Variants in BOC observed in about 807,000 individuals in gnomAD.
BOC encodes the protein brother of CDO.
A neutral mutation model predicts 112.0 loss-of-function variants in BOC; 76 were observed. The observed-to-expected ratio is 0.68, with a 90% CI of 0.56 to 0.82. The LOEUF is 0.82. BOC is among the 40% of genes least tolerant of loss of function. The pLI is 0.00. For missense variants in BOC, 1,309 were observed against 1,511.7 expected (o/e 0.87, Z 2.22); for synonymous variants, 580 against 599.8 (o/e 0.97, Z 0.48).
In BOC at chr3:113,285,364, C is replaced by G; in HGVS notation, c.2967-8C>G. On this transcript the variant is annotated splice_region_variant and splice_polypyrimidine_tract_variant and intron_variant, in intron 18 of 19. Coordinates refer to ENST00000682979, the MANE Select transcript of BOC (RefSeq NM_001378074.1). ...CCCCACCTCCCCATCTGGGCTTGTG[C>G]ACTGCAGGGGTCCCAAGTCTAGCCC... is the stretch of plus-strand genomic sequence containing the variant. 1.2e-6 allele frequency: 2 copies of G among 1,612,158 alleles called. No homozygotes were observed. Among genetic ancestry groups the G allele is most frequent in the African/African-American group, 1.3e-5 (1 of 74,870 alleles).
At chr3:113,258,997 T>C (rs960317792) in intron 4 of BOC, among the ~76,000 whole-genome samples, 1 of 152,214 alleles carries the variant, frequency 6.6e-6, no homozygotes, top group East Asian at 1.9e-4. Flanking sequence ...AATTAATAGC[T>C]CACTAGAATT....
chr3:113,278,813 C>T lies in BOC; in HGVS notation c.1816+30C>T. Reference sequence around the variant, plus strand: ...GCCGCTAGCAGCAGGGACGGACGCGCAGTCAGGACTGGAACTGCCTCAGAG... The same window carrying T: ...GCCGCTAGCAGCAGGGACGGACGCGTAGTCAGGACTGGAACTGCCTCAGAG... On this transcript the variant is annotated intron_variant, in intron 11 of 19. Transcript: ENST00000682979. This position sits in a 1 kb window ranked among gnomAD's most constrained non-coding sequence, Gnocchi z 4.2. 1 of 1,540,376 alleles carries T rather than the reference C, an allele frequency of 6.5e-7. No homozygotes were observed. Among genetic ancestry groups the T allele is most frequent in the Non-Finnish European group, 8.8e-7 (1 of 1,137,110 alleles).
intron 2 of BOC, among the ~76,000 whole-genome samples, chr3:113,219,109 G>A (rs1489777666): frequency 6.6e-6 from 1 of 152,244 alleles, no homozygotes; most frequent in Non-Finnish European, 1.5e-5. Flanking sequence ...TATGTGGCAA[G>A]CCTCCCTCCC....
At position 113,221,196 on chromosome 3, in the gene BOC, G is replaced by A. The variant is rs150892834; in HGVS notation, c.-82+4922G>A. Among the ~76,000 whole-genome samples, 450 of 152,348 alleles carry A rather than the reference G, an allele frequency of 3.0e-3. 10 individuals carry two copies. Among genetic ancestry groups the A allele is most frequent in the Admixed American group, 0.024 (366 of 15,296 alleles). ...AATTCACATAAAGCACACGAAATGCGTTGGGAGCAGTCTGTAGAAGGTAGC... is the reference window on the plus strand; with the variant it reads ...AATTCACATAAAGCACACGAAATGCATTGGGAGCAGTCTGTAGAAGGTAGC... On this transcript the variant is annotated intron_variant, in intron 2 of 19. Coordinates refer to ENST00000682979, the MANE Select transcript of BOC (RefSeq NM_001378074.1).
chr3:113,274,808 A>G lies in BOC; in HGVS notation c.1542+126A>G. 2 of 975,988 alleles carry G rather than the reference A, an allele frequency of 2.0e-6. No individual in the cohort carries two copies. The highest frequency in any genetic ancestry group is 2.9e-6 in the Non-Finnish European group (2 of 679,992). 60.5% of individuals were successfully genotyped at this position (975,988 alleles called of 1,614,324 possible). On this transcript the variant is annotated intron_variant, in intron 9 of 19. Coordinates refer to ENST00000682979, the MANE Select transcript of BOC (RefSeq NM_001378074.1). The surrounding 1 kb of genome is among the most constrained non-coding windows in gnomAD (Gnocchi z 4.8). ...GCCTGAGCCGGTAATCCCCACCACT[A>G]AACAGGCCCTTCTGTCTCCTCCAGT...
Position 113,284,826 on chromosome 3 carries a change from T to TAA in BOC, c.2934_2935insAA (p.Gly979LysfsTer57). 6.2e-7 allele frequency: 1 copy of TAA among 1,614,188 alleles called. No homozygotes were observed. The highest frequency in any genetic ancestry group is 1.7e-5 in the Admixed American group (1 of 60,022). Reference sequence around the variant, plus strand: ...TGCTGAGGCAGACCCATCTTGGCAATGGATATGACCCCCAAAGTCACCAGA... The same window carrying TAA: ...TGCTGAGGCAGACCCATCTTGGCAATAAGGATATGACCCCCAAAGTCACCAGA... On this transcript the variant is annotated frameshift_variant, in exon 18 of 20. Transcript: ENST00000682979. LOFTEE classifies it high-confidence loss of function.
chr3:113,275,850 G>A (rs1948609388), intron 9 of BOC, among the ~76,000 whole-genome samples: 1 of 152,070 alleles, frequency 6.6e-6, no homozygotes, highest in Non-Finnish European at 1.5e-5. Flanking sequence ...TGCTCTCCTA[G>A]AAGTCCTTGG....
rs774043438 is a variant in BOC, at chr3:113,284,334, G to A, written c.2657-1G>A. Reference sequence around the variant, plus strand: ...ACACCTTTATTTTTCTGTCCTTCCAGAACATACAACAGACCTGGGTTTTCC... The same window carrying A: ...ACACCTTTATTTTTCTGTCCTTCCAAAACATACAACAGACCTGGGTTTTCC... On this transcript the variant is annotated splice_acceptor_variant, in intron 16 of 19. Coordinates refer to ENST00000682979, the MANE Select transcript of BOC (RefSeq NM_001378074.1). LOFTEE classifies it high-confidence loss of function. 2 of 1,613,282 alleles carry A rather than the reference G, an allele frequency of 1.2e-6. No homozygotes were observed. The highest frequency in any genetic ancestry group is 2.2e-5 in the East Asian group (1 of 44,870).
intron 7 of BOC, 63 bp from the exon 8 acceptor site, chr3:113,273,006 A>T: frequency 6.5e-7 from 1 of 1,544,628 alleles, no homozygotes; most frequent in Non-Finnish European, 8.8e-7. Flanking sequence ...CATCCCTCCC[A>T]GCCCATCTGG....
intron 2 of BOC, among the ~76,000 whole-genome samples, chr3:113,220,007 A>G (rs1940280956): frequency 6.6e-6 from 1 of 150,622 alleles, no homozygotes; most frequent in African/African-American, 2.4e-5. Flanking sequence ...CTGATCAAGC[A>G]GGTCCTCCAT....
rs142961325 is a variant in BOC, at chr3:113,232,887, A to C, written c.-82+16613A>C. Among the ~76,000 whole-genome samples the C allele has an allele frequency of 4.5e-3, 683 of 152,284 alleles. 7 individuals are homozygous for C. Among genetic ancestry groups the C allele is most frequent in the African/African-American group, 0.016 (645 of 41,554 alleles). ...TAATGTGATCTGTTTTTCCTTCAGCATCCCTATGCGAGTTGATTTTGTTGT... is the reference window on the plus strand; with the variant it reads ...TAATGTGATCTGTTTTTCCTTCAGCCTCCCTATGCGAGTTGATTTTGTTGT... On this transcript the variant is annotated intron_variant, in intron 2 of 19. Coordinates refer to ENST00000682979, the MANE Select transcript of BOC (RefSeq NM_001378074.1).
rs570388806 is a variant in BOC at position 113,279,812 on chromosome 3, C to T, written c.2024-12C>T. 4 of 1,594,350 alleles carry T rather than the reference C, an allele frequency of 2.5e-6. No individual in the cohort carries two copies. In the African/African-American group the frequency reaches 4.0e-5, roughly 16 times the overall value. ...CCCAGCTCCTGAGTTCAGTGAGTGT[C>T]CCTCTCACCAGGCACCTCCTACAAG... On this transcript the variant is annotated splice_polypyrimidine_tract_variant and intron_variant, in intron 12 of 19. Transcript: ENST00000682979.
In BOC at chr3:113,260,716, AC is replaced by A. The variant is rs1364000496; in HGVS notation, c.377-7582del. 3.8e-3 allele frequency among the ~76,000 whole-genome samples: 380 copies of A among 99,000 alleles called. 5 individuals are homozygous for A. The highest frequency in any genetic ancestry group is 0.021 in the Middle Eastern group (4 of 194). 64.9% of individuals were successfully genotyped at this position (99,000 alleles called of 152,430 possible). A position where few individuals can be genotyped will look rare whatever the true frequency, so the allele number is the denominator to read the frequency against. On this transcript the variant is annotated intron_variant, in intron 4 of 19. Coordinates refer to ENST00000682979, the MANE Select transcript of BOC (RefSeq NM_001378074.1). Reference sequence around the variant, plus strand: ...ACAGAACAGAACAGAACAGAACAGAACAGAAAGAACAGAACAGAACAGAACA... The same window carrying A: ...ACAGAACAGAACAGAACAGAACAGAAAGAAAGAACAGAACAGAACAGAACA...
At chr3:113,258,272 T>TA (rs995506891) in intron 4 of BOC, among the ~76,000 whole-genome samples, 5 of 152,220 alleles carry the variant, frequency 3.3e-5, no homozygotes, top group African/African-American at 1.2e-4. Context: ...ATGGCACCGA[T>TA]ACTGCCATAG....
rs1035075898 is a variant in BOC, at chr3:113,279,305, G to A, written c.1873G>A (p.Val625Met). 9 of 1,614,170 alleles carry A rather than the reference G, an allele frequency of 5.6e-6. No individual in the cohort carries two copies. Among genetic ancestry groups the A allele is most frequent in the Middle Eastern group, 1.6e-4 (1 of 6,062 alleles). Residue 625 changes from valine (V) to methionine (M), a missense_variant, in exon 12 of 20, where the codon GTG becomes ATG. By Grantham distance (21) the Val-to-Met change is conservative. Transcript: ENST00000682979. ...CACGGCCTCCGAGACCTCAGTGTAC[G>A]TGACCTGGATTCCCCGTGGGAATGG... ...ISTASETSVY[V>M]TWIPRGNGGF...
At chr3:113,256,769 G>A (rs908460360) in intron 4 of BOC, among the ~76,000 whole-genome samples, 24 of 151,192 alleles carry the variant, frequency 1.6e-4, no homozygotes, top group African/African-American at 5.3e-4. Flanking sequence ...GTGTGTGTGT[G>A]TATATATATA....
chr3:113,287,323 G>A lies in BOC; in HGVS notation c.*461G>A. 3.3e-6 allele frequency: 1 copy of A among 305,314 alleles called. No individual in the cohort carries two copies. Among genetic ancestry groups the A allele is most frequent in the South Asian group, 2.9e-5 (1 of 34,782 alleles). The allele number at this position is 305,314 out of a possible 1,614,324, so 18.9% of individuals were successfully genotyped here. A position where few individuals can be genotyped will look rare whatever the true frequency, so the allele number is the denominator to read the frequency against. ...GGAAACATTTTCCTAAGATGCCCATGAGAACAGACCAAGATGTGTACAGCA... is the reference window on the plus strand; with the variant it reads ...GGAAACATTTTCCTAAGATGCCCATAAGAACAGACCAAGATGTGTACAGCA... On this transcript the variant is annotated 3_prime_UTR_variant, in exon 20 of 20. Transcript: ENST00000682979.
In BOC at chr3:113,287,202, C is replaced by A; in HGVS notation, c.*340C>A. 1 of 390,100 alleles carries A rather than the reference C, an allele frequency of 2.6e-6. No homozygotes were observed. The highest frequency in any genetic ancestry group is 4.9e-6 in the Non-Finnish European group (1 of 202,948). 24.2% of individuals were successfully genotyped at this position (390,100 alleles called of 1,614,324 possible). The stretch of plus-strand genomic sequence containing the variant: ...AGATAAGCTGGCAAGAGGAAGGATC[C>A]CAGGCACATGGTTCATCACGAGCAT... On this transcript the variant is annotated 3_prime_UTR_variant, in exon 20 of 20. Transcript: ENST00000682979.
chr3:113,249,758 C>G lies in BOC; in HGVS notation c.-45C>G, dbSNP rs768531684. 2 of 1,529,974 alleles carry G rather than the reference C, an allele frequency of 1.3e-6. No individual in the cohort carries two copies. Among genetic ancestry groups the G allele is most frequent in the African/African-American group, 2.8e-5 (2 of 72,250 alleles). 94.8% of individuals were successfully genotyped at this position (1,529,974 alleles called of 1,614,324 possible). A position where few individuals can be genotyped will look rare whatever the true frequency, so the allele number is the denominator to read the frequency against. ...GGACGGCAGTATCTCTTTGTGTGAC[C>G]CTGGCGGCTTATGGGACGTTGGCTT... On this transcript the variant is annotated 5_prime_UTR_variant, in exon 3 of 20. Coordinates refer to ENST00000682979, the MANE Select transcript of BOC (RefSeq NM_001378074.1).
Sources: allele counts gnomAD v4.1 joint callset (sites outside exome capture counted in the v4.1 genomes callset), GRCh38; gene constraint gnomAD v4.1.1; non-coding constraint Gnocchi (gnomAD v3.1); transcripts MANE v1.5; gene names NCBI Gene and HGNC (gene_info 2026-07-23, HGNC 2026-07-21).